PTGER4: variants seen among roughly 807,000 people sequenced by gnomAD.
The protein encoded by PTGER4 is prostaglandin E2 receptor EP4 subtype.
In PTGER4, 11 loss-of-function variants were observed where a neutral mutation model predicts 33.2. The observed-to-expected ratio is 0.33, with a 90% CI of 0.21 to 0.55. The LOEUF is 0.55. PTGER4 is among the 20% of genes least tolerant of loss of function. PTGER4 has a pLI of 0.92. For synonymous variants in PTGER4, 275 were observed against 281.5 expected, an observed-to-expected ratio of 0.98 and a Z score of 0.23; for missense variants, 481 against 650.2, an observed-to-expected ratio of 0.74 and a Z score of 2.83.
the PTGER4 span, chr5:40,730,487 G>A: frequency 1.8e-6 from 1 of 570,324 alleles, no homozygotes; most frequent in African/African-American, 1.9e-5. Flanking sequence ...GTAGCATTAA[G>A]TACATATAGT....
the PTGER4 span, among the ~76,000 whole-genome samples, chr5:40,722,487 T>C: frequency 1.4e-5 from 2 of 146,976 alleles, no homozygotes; most frequent in African/African-American, 5.1e-5. Context: ...CGGCCCATCG[T>C]CTGGGATGTG....
rs1182102115 is a variant in PTGER4, at chr5:40,692,043, C to T, written c.1132C>T (p.Arg378Cys). The T allele has an allele frequency of 1.2e-6, 2 of 1,614,118 alleles. No homozygotes were observed. The highest frequency in any genetic ancestry group is 1.7e-5 in the Admixed American group (1 of 60,016). ...ATCTTCTGCCATGTCAGGCCACTCT[C>T]GCTCCTTCATCTCCCGGGAGCTGAA... ...RTSSAMSGHS[R>C]SFISRELKEI... The change falls in exon 3 of 3, where the codon CGC becomes TGC. Residue 378 changes from arginine (R) to cysteine (C), a missense_variant. Coordinates refer to ENST00000302472, the MANE Select transcript of PTGER4 (RefSeq NM_000958.3).
chr5:40,695,892 A>G (rs887437233), downstream of PTGER4, among the ~76,000 whole-genome samples: 10 of 152,184 alleles, frequency 6.6e-5, no homozygotes, highest in African/African-American at 2.4e-4. Flanking sequence ...ACACATGGTC[A>G]TAAAGATGGA....
the PTGER4 span, among the ~76,000 whole-genome samples, chr5:40,723,507 CAAATTAA>C: frequency 4.5e-4 from 44 of 98,088 alleles, no homozygotes; most frequent in African/African-American, 1.5e-3. Flanking sequence ...AAAGCTAACT[CAAATTAA>C]AAAAAAAAAA....
the PTGER4 span, among the ~76,000 whole-genome samples, chr5:40,735,379 C>A: frequency 6.6e-6 from 1 of 151,858 alleles, no homozygotes; most frequent in Non-Finnish European, 1.5e-5. Flanking sequence ...GAAGTGAAAA[C>A]AGAAAGAGGA....
rs978293246 is a variant in PTGER4 at position 40,683,964 on chromosome 5, C to T, written c.867+2104C>T. ...AAACTAGCTCAATTAAGAAGTAATC[C>T]CATTAGTCAAGTATTTATATAGCTT... On this transcript the variant is annotated intron_variant, in intron 2 of 2. Coordinates refer to ENST00000302472, the MANE Select transcript of PTGER4 (RefSeq NM_000958.3). The surrounding 1 kb of genome is among the most constrained non-coding windows in gnomAD (Gnocchi z 4.2). Among the ~76,000 whole-genome samples, 2 of 151,888 alleles carry T rather than the reference C, an allele frequency of 1.3e-5. No individual in the cohort carries two copies. Among genetic ancestry groups the T allele is most frequent in the Non-Finnish European group, 2.9e-5 (2 of 67,994 alleles).
chr5:40,701,277 GA>G, the PTGER4 span, among the ~76,000 whole-genome samples: 6 of 152,282 alleles, frequency 3.9e-5, no homozygotes, highest in Admixed American at 6.5e-5. Flanking sequence ...AGGAAAATAA[GA>G]ATCACAATAA....
chr5:40,680,007 C>T lies in PTGER4; in HGVS notation c.-515C>T, dbSNP rs1464468134. The T allele has an allele frequency of 2.6e-5, 4 of 152,672 alleles. No homozygotes were observed. Among genetic ancestry groups the T allele is most frequent in the Non-Finnish European group, 2.9e-5 (2 of 68,422 alleles). The allele number at this position is 152,672 out of a possible 1,614,324, so 9.5% of individuals were successfully genotyped here. On this transcript the variant is annotated 5_prime_UTR_variant, in exon 1 of 3. Coordinates refer to ENST00000302472, the MANE Select transcript of PTGER4 (RefSeq NM_000958.3). The surrounding 1 kb of genome is among the most constrained non-coding windows in gnomAD (Gnocchi z 5.5). ...GGCCAGAGCCTCTGGCAGAGTGGACCCCGAGCCGCCCCCAGGTAGCCAGGA... is the reference window on the plus strand; with the variant it reads ...GGCCAGAGCCTCTGGCAGAGTGGACTCCGAGCCGCCCCCAGGTAGCCAGGA...
chr5:40,722,816 G>T, the PTGER4 span, among the ~76,000 whole-genome samples: 3 of 150,510 alleles, frequency 2.0e-5, no homozygotes, highest in East Asian at 2.0e-4. Flanking sequence ...TCCGGGAGGT[G>T]GGGGGCGCAG....
chr5:40,698,581 C>G (rs1490071347), downstream of PTGER4, among the ~76,000 whole-genome samples: 1 of 152,010 alleles, frequency 6.6e-6, no homozygotes, highest in Admixed American at 6.6e-5. Context: ...TTGATACAAC[C>G]ACTTTGAAAA....
At position 40,693,131 on chromosome 5, in the gene PTGER4, A is replaced by C; in HGVS notation, c.*753A>C. On this transcript the variant is annotated 3_prime_UTR_variant, in exon 3 of 3. Coordinates refer to ENST00000302472, the MANE Select transcript of PTGER4 (RefSeq NM_000958.3). The stretch of plus-strand genomic sequence containing the variant: ...ACTGTTCTTTCCAGGCTATGTATAA[A>C]ATACATAGTGAAAATTGTTTAGTGA... 13 of 951,520 alleles carry C rather than the reference A, an allele frequency of 1.4e-5. No individual in the cohort carries two copies. Among genetic ancestry groups the C allele is most frequent in the Non-Finnish European group, 1.6e-5 (13 of 798,774 alleles). 58.9% of individuals were successfully genotyped at this position (951,520 alleles called of 1,614,324 possible).
chr5:40,736,261 G>A, the PTGER4 span, among the ~76,000 whole-genome samples: 2 of 152,222 alleles, frequency 1.3e-5, no homozygotes, highest in South Asian at 2.1e-4. Flanking sequence ...TTTCCACAGA[G>A]CATGAGGCAA....
At chr5:40,687,217 G>A (rs1044584038) in intron 2 of PTGER4, among the ~76,000 whole-genome samples, 1 of 151,836 alleles carries the variant, frequency 6.6e-6, no homozygotes, top group African/African-American at 2.4e-5. Flanking sequence ...GGCTAATTTT[G>A]TATTTTTGGT....
At chr5:40,724,783 T>TA in the PTGER4 span, among the ~76,000 whole-genome samples, 1 of 151,680 alleles carries the variant, frequency 6.6e-6, no homozygotes, top group South Asian at 2.1e-4. Flanking sequence ...TATTCAATTA[T>TA]AAAAAAGATA....
rs1404026438 is a variant in PTGER4 at position 40,691,383 on chromosome 5, T to C, written c.868-396T>C. Among the ~76,000 whole-genome samples the C allele has an allele frequency of 1.3e-5, 2 of 152,230 alleles. No homozygotes were observed. Among genetic ancestry groups the C allele is most frequent in the Non-Finnish European group, 2.9e-5 (2 of 68,028 alleles). On this transcript the variant is annotated intron_variant, in intron 2 of 2. Coordinates refer to ENST00000302472, the MANE Select transcript of PTGER4 (RefSeq NM_000958.3). The surrounding 1 kb of genome is among the most constrained non-coding windows in gnomAD (Gnocchi z 4.2). ...TTTTAGTAGAGATGGGGTTTCACCA[T>C]GTTGGCCAGGAGGTTCTCAATCTCT... is the stretch of plus-strand genomic sequence containing the variant.
chr5:40,704,999 A>G, the PTGER4 span, among the ~76,000 whole-genome samples: 1 of 152,196 alleles, frequency 6.6e-6, no homozygotes, highest in Non-Finnish European at 1.5e-5. Context: ...GGAACCAAAA[A>G]AGAGCCCAAA....
Position 40,681,667 on chromosome 5 carries a change from C to G in PTGER4, c.674C>G (p.Thr225Ser). The G allele has an allele frequency of 6.3e-7, 1 of 1,585,364 alleles. No homozygotes were observed. Among genetic ancestry groups the G allele is most frequent in the Non-Finnish European group, 8.5e-7 (1 of 1,171,460 alleles). The change falls in exon 2 of 3, where the codon ACC becomes AGC. Residue 225 changes from threonine to serine, a missense_variant. By Grantham distance (58) the Thr-to-Ser change is moderately conservative. Coordinates refer to ENST00000302472, the MANE Select transcript of PTGER4 (RefSeq NM_000958.3). This position sits in a 1 kb window ranked among gnomAD's most constrained non-coding sequence, Gnocchi z 9.8. Reference sequence around the variant, plus strand: ...TTCATGCGCCGCACCTCGCTGGGCACCGAGCAGCACCACGCGGCCGCGGCC... The same window carrying G: ...TTCATGCGCCGCACCTCGCTGGGCAGCGAGCAGCACCACGCGGCCGCGGCC... ...RQFMRRTSLG[T>S]EQHHAAAAAS...
the PTGER4 span, among the ~76,000 whole-genome samples, chr5:40,701,174 A>G: frequency 6.6e-6 from 1 of 152,234 alleles, no homozygotes; most frequent in Non-Finnish European, 1.5e-5. Context: ...GTTCTTAACC[A>G]GGCTTAACTG....
the PTGER4 span, among the ~76,000 whole-genome samples, chr5:40,707,037 C>T: frequency 9.2e-5 from 14 of 152,132 alleles, no homozygotes; most frequent in African/African-American, 3.1e-4. Flanking sequence ...AAGCACTAAA[C>T]ACGGAAAGGA....
Sources: allele counts gnomAD v4.1 joint callset (sites outside exome capture counted in the v4.1 genomes callset), GRCh38; gene constraint gnomAD v4.1.1; non-coding constraint Gnocchi (gnomAD v3.1); transcripts MANE v1.5; gene names NCBI Gene and HGNC (gene_info 2026-07-23, HGNC 2026-07-21).